Variants in BPIFB3 observed in about 807,000 individuals in gnomAD.
BPIFB3 encodes the protein BPI fold containing family B member 3.
Under a neutral mutation model 53.1 loss-of-function variants are expected in BPIFB3, and 49 were observed. The observed-to-expected ratio is 0.92, with a 90% CI of 0.73 to 1.17. The LOEUF is 1.17. Ranked by LOEUF, BPIFB3 falls within the 50% of genes most tolerant of loss-of-function variation. The pLI is 0.00. For missense variants in BPIFB3, 628 were observed against 592.5 expected (o/e 1.06, Z -0.62); for synonymous variants, 271 against 269.6 (o/e 1.01, Z -0.05).
At chr20:33,054,547 G>A (rs1980114490), upstream of BPIFB3, among the ~76,000 whole-genome samples, 1 of 152,194 alleles carries the variant, frequency 6.6e-6, no homozygotes, top group Non-Finnish European at 1.5e-5. Flanking sequence ...CAAAGAAGCA[G>A]GGAGGAGCCT....
At chr20:33,056,296 C>T (rs1184169409) in intron 1 of BPIFB3, among the ~76,000 whole-genome samples, 1 of 152,210 alleles carries the variant, frequency 6.6e-6, no homozygotes, top group Non-Finnish European at 1.5e-5. Flanking sequence ...ATGAGATTTG[C>T]TCATTCATTC....
Position 33,064,542 on chromosome 20 carries a change from C to T in BPIFB3, c.738C>T (p.Asp246=), listed in dbSNP as rs149980236. 21 of 1,613,494 alleles carry T rather than the reference C, an allele frequency of 1.3e-5. No homozygotes were observed. In the African/African-American group the frequency reaches 2.4e-4, roughly 18 times the overall value. Residue 246 remains aspartate (D), a synonymous_variant, in exon 7 of 15, where the codon GAC becomes GAT. Transcript: ENST00000375494. Reference sequence around the variant, plus strand: ...TCTCCAACCAGTACATAGAACTGGACATCAACGTGAGTAACCAGAGGGGCC... The same window carrying T: ...TCTCCAACCAGTACATAGAACTGGATATCAACGTGAGTAACCAGAGGGGCC...
At chr20:33,061,363 C>G (rs1336737407) in intron 4 of BPIFB3, among the ~76,000 whole-genome samples, 5 of 151,506 alleles carry the variant, frequency 3.3e-5, no homozygotes, top group Admixed American at 6.6e-5. Flanking sequence ...TTCATTCATT[C>G]ATTCATTCAT....
At chr20:33,064,381 A>C in intron 6 of BPIFB3, 76 bp from the exon 8 acceptor site, 1 of 1,216,012 alleles carries the variant, frequency 8.2e-7, no homozygotes, top group South Asian at 1.3e-5. Flanking sequence ...GCAGACACTC[A>C]ATAAATGGAA....
At chr20:33,063,729 AC>A (rs1980547281) in intron 6 of BPIFB3, 54 bp downstream of exon 7, 2 of 1,571,278 alleles carry the variant, frequency 1.3e-6, no homozygotes, top group South Asian at 2.3e-5. Flanking sequence ...TCTCTGTATG[AC>A]CCCAATGGGG....
intron 5 of BPIFB3, among the ~76,000 whole-genome samples, chr20:33,062,087 C>G (rs148388442): frequency 0.017 from 2,646 of 152,198 alleles, 32 homozygotes; most frequent in Non-Finnish European, 0.027. Context: ...AACCCCTGCT[C>G]TGTTTCTGCC....
intron 14 of BPIFB3, 27 bp downstream of exon 15, chr20:33,072,820 A>G (rs1449990793): frequency 6.4e-7 from 1 of 1,572,042 alleles, no homozygotes; most frequent in African/African-American, 1.4e-5. Flanking sequence ...GATACGGCCC[A>G]GGTGGGCCTT....
chr20:33,071,304 C>T lies in BPIFB3; in HGVS notation c.1260+9C>T. ...TTACCCATGCCTTTGACGTAAGTTC[C>T]TGGGAGGGTGAGGGGCTTGGCAGTG... On this transcript the variant is annotated intron_variant, in intron 12 of 14. Transcript: ENST00000375494. 6.4e-7 allele frequency: 1 copy of T among 1,559,536 alleles called. No homozygotes were observed. The highest frequency in any genetic ancestry group is 8.7e-7 in the Non-Finnish European group (1 of 1,150,540).
At chr20:33,065,296 G>A (rs1485772433) in intron 8 of BPIFB3, among the ~76,000 whole-genome samples, 1 of 152,150 alleles carries the variant, frequency 6.6e-6, no homozygotes, top group East Asian at 1.9e-4. Flanking sequence ...CCAGCACTTT[G>A]GGAGGCTGAT....
At chr20:33,066,702 T>G (rs2146388812) in intron 8 of BPIFB3, 122 bp from the exon 10 acceptor site, 3 of 873,462 alleles carry the variant, frequency 3.4e-6, no homozygotes, top group South Asian at 2.9e-5. Flanking sequence ...GTGTTTGTAG[T>G]GATATATGTA....
At chr20:33,067,945 G>A (rs978684062) in intron 9 of BPIFB3, among the ~76,000 whole-genome samples, 2 of 152,204 alleles carry the variant, frequency 1.3e-5, no homozygotes, top group African/African-American at 4.8e-5. Flanking sequence ...CAGCAGGCAA[G>A]GGACATACTT....
chr20:33,063,676 G>C lies in BPIFB3; in HGVS notation c.652+1G>C. ...AATGAGCTCCTGGGGGCTGTGCTGG[G>C]TAAGTCAGGGCTCAATGCCCTCCTC... On this transcript the variant is annotated splice_donor_variant, in intron 6 of 14. Coordinates refer to ENST00000375494, the Ensembl canonical transcript of BPIFB3. LOFTEE classifies it high-confidence loss of function. 1 of 1,613,638 alleles carries C rather than the reference G, an allele frequency of 6.2e-7. No homozygotes were observed.
At chr20:33,064,375 ACACT>A in intron 6 of BPIFB3, 78 bp from the exon 8 acceptor site, 1 of 1,116,518 alleles carries the variant, frequency 9.0e-7, no homozygotes, top group Non-Finnish European at 1.4e-6. Flanking sequence ...CATTCAGCAG[ACACT>A]CAATAAATGG....
rs573978263 is a variant in BPIFB3 at position 33,070,402 on chromosome 20, A to G, written c.1217+447A>G. 3.3e-5 allele frequency among the ~76,000 whole-genome samples: 5 copies of G among 152,348 alleles called. No homozygotes were observed. The East Asian group carries it at 9.6e-4, about 29-fold the overall frequency. On this transcript the variant is annotated intron_variant, in intron 11 of 14. Transcript: ENST00000375494. ...GTCCATCAAGATAATCATAATGACC[A>G]GAATGATGGTGTTGGTGACAGTCCT...
chr20:33,069,036 C>T, intron 10 of BPIFB3, 63 bp downstream of exon 11: 1 of 1,548,442 alleles, frequency 6.5e-7, no homozygotes, highest in Admixed American at 1.8e-5. Flanking sequence ...TGACTGTCTC[C>T]AGGACTGTGG....
At chr20:33,066,868 G>C in exon 9 of BPIFB3, 1 of 1,614,130 alleles carries the variant, frequency 6.2e-7, no homozygotes, top group Non-Finnish European at 8.5e-7. Context: ...TGGCAGCTTT[G>C]CTCCCTGAGG....
At chr20:33,067,598 G>T (rs944953008) in intron 9 of BPIFB3, among the ~76,000 whole-genome samples, 3 of 152,226 alleles carry the variant, frequency 2.0e-5, no homozygotes, top group Non-Finnish European at 4.4e-5. Flanking sequence ...GAGTCCCTTG[G>T]CTAAAGGGCA....
rs141728055 is a variant in BPIFB3, at chr20:33,059,324, G to A, written c.282-54G>A. 7.4e-3 allele frequency: 10,530 copies of A among 1,413,762 alleles called. 59 individuals carry two copies. The highest frequency in any genetic ancestry group is 8.8e-3 in the Non-Finnish European group (8,965 of 1,018,386). 87.6% of individuals were successfully genotyped at this position (1,413,762 alleles called of 1,614,324 possible). ...ACCACCAAGAGCCACTCTGGGCGCC[G>A]CCTGGGCTGGGATGTCTGGGAGTGA... On this transcript the variant is annotated intron_variant, in intron 2 of 14. Transcript: ENST00000375494.
chr20:33,057,275 G>A (rs561173069), intron 2 of BPIFB3, among the ~76,000 whole-genome samples: 3 of 151,970 alleles, frequency 2.0e-5, no homozygotes, highest in South Asian at 4.2e-4. Flanking sequence ...TGCAACCTCC[G>A]CTTCCCGGGT....
Sources: allele counts gnomAD v4.1 joint callset (sites outside exome capture counted in the v4.1 genomes callset), GRCh38; gene constraint gnomAD v4.1.1; transcripts MANE v1.5; gene names NCBI Gene and HGNC (gene_info 2026-07-23, HGNC 2026-07-21).